Variants in CELF2 observed in about 807,000 individuals in gnomAD.
CELF2 encodes the protein CUG triplet repeat RNA-binding protein 2.
A neutral mutation model predicts 62.6 loss-of-function variants in CELF2; 8 were observed. The ratio of observed to expected loss-of-function variants is 0.13; its 90% CI spans 0.07 to 0.23. The LOEUF (loss-of-function observed/expected upper bound fraction) is 0.23. Among genes scored for constraint, CELF2 ranks in the 10% least tolerant of loss-of-function variants. The pLI, the probability that CELF2 is intolerant of heterozygous loss-of-function variation, is 1.00. For synonymous variants in CELF2, 258 were observed against 250.0 expected (o/e 1.03, Z -0.30); for missense variants, 333 against 671.0 (o/e 0.50, Z 5.56).
Position 11,321,125 on chromosome 10 carries a change from TC to T in CELF2, c.1097-62del, listed in dbSNP as rs1326424538. 3 of 1,542,034 alleles carry T rather than the reference TC, an allele frequency of 1.9e-6. No individual in the cohort carries two copies. Among genetic ancestry groups the T allele is most frequent in the African/African-American group, 1.4e-5 (1 of 73,416 alleles). On this transcript the variant is annotated intron_variant, in intron 10 of 12. Transcript: ENST00000633077. This position sits in a 1 kb window ranked among gnomAD's most constrained non-coding sequence, Gnocchi z 6.2. Reference sequence around the variant, plus strand: ...ACTGTGTTTAAATGATTCTCTAACTTCCTTTGGAAAGCACTAATGAATAAGT... The same window carrying T: ...ACTGTGTTTAAATGATTCTCTAACTTCTTTGGAAAGCACTAATGAATAAGT...
chr10:10,482,113 G>C, the CELF2 span, among the ~76,000 whole-genome samples: 1 of 152,124 alleles, frequency 6.6e-6, no homozygotes, highest in Non-Finnish European at 1.5e-5. Context: ...GAGAAAGAGT[G>C]GTTTGCATAG....
intron 9 of CELF2, among the ~76,000 whole-genome samples, chr10:11,308,444 T>C (rs902998106): frequency 4.6e-5 from 7 of 152,236 alleles, no homozygotes; most frequent in Admixed American, 3.3e-4. Context: ...TTCTCCATTC[T>C]TTTTTCTTTC....
At chr10:11,131,340 C>T (rs7915813) in intron 1 of CELF2, among the ~76,000 whole-genome samples, 76,056 of 151,974 alleles carry the variant, frequency 0.5, 20,615 homozygotes, top group East Asian at 0.84. Flanking sequence ...ACTGTGTACT[C>T]AGTCACTCGA....
intron 1 of CELF2, among the ~76,000 whole-genome samples, chr10:10,866,135 A>C (rs866728652): frequency 1.3e-5 from 2 of 152,084 alleles, no homozygotes; most frequent in Non-Finnish European, 2.9e-5. Context: ...GCGAGGTCAA[A>C]GTGCACCTGC....
intron 2 of CELF2, among the ~76,000 whole-genome samples, chr10:10,976,741 A>G (rs955856120): frequency 2.6e-5 from 4 of 152,086 alleles, no homozygotes; most frequent in Non-Finnish European, 5.9e-5. Context: ...ACAGATCTGT[A>G]TTTGTTCATA....
intron 1 of CELF2, among the ~76,000 whole-genome samples, chr10:10,827,801 A>G (rs1341345356): frequency 6.6e-6 from 1 of 152,202 alleles, no homozygotes; most frequent in Non-Finnish European, 1.5e-5. Flanking sequence ...TGTGTGTTCC[A>G]TTACAAAAAT....
the CELF2 span, among the ~76,000 whole-genome samples, chr10:10,706,925 T>A: frequency 1.3e-5 from 2 of 152,188 alleles, no homozygotes; most frequent in African/African-American, 2.4e-5. Context: ...ATAAAGCCAA[T>A]GAAAATATCA....
chr10:10,597,643 C>A, the CELF2 span, among the ~76,000 whole-genome samples: 1 of 152,102 alleles, frequency 6.6e-6, no homozygotes, highest in Non-Finnish European at 1.5e-5. Flanking sequence ...TGTAAAAAAT[C>A]CTTATAGTTG....
At chr10:11,037,335 C>T (rs1013274543) in intron 1 of CELF2, among the ~76,000 whole-genome samples, 2 of 152,222 alleles carry the variant, frequency 1.3e-5, no homozygotes, top group African/African-American at 2.4e-5. Context: ...TAACAGGTCC[C>T]TCCCATGACA....
At chr10:11,017,302 C>G (rs959687787), upstream of CELF2, among the ~76,000 whole-genome samples, 1 of 152,116 alleles carries the variant, frequency 6.6e-6, no homozygotes, top group African/African-American at 2.4e-5. The surrounding 1 kb of genome is among the most constrained non-coding windows in gnomAD (Gnocchi z 5.5). Flanking sequence ...GTGTAGAAAA[C>G]GTGATTTATG....
intron 1 of CELF2, among the ~76,000 whole-genome samples, chr10:11,164,609 G>A (rs2066517889): frequency 6.6e-6 from 1 of 151,524 alleles, no homozygotes. Flanking sequence ...TATGGAGTGT[G>A]AGAGATTTGA....
rs2095830662 is a variant in CELF2 at position 11,327,747 on chromosome 10, T to C, written c.1439-1179T>C. ...ACAGCCACTTCTTTGCAATCCAGCC[T>C]ACCTCTGAAAAGCTGCCCAGCGTTA... is the stretch of plus-strand genomic sequence containing the variant. On this transcript the variant is annotated intron_variant, in intron 12 of 12. Transcript: ENST00000633077. Among the ~76,000 whole-genome samples the C allele has an allele frequency of 3.3e-5, 5 of 152,338 alleles. No individual in the cohort carries two copies. The South Asian group carries it at 1.0e-3, about 32-fold the overall frequency.
intron 2 of CELF2, among the ~76,000 whole-genome samples, chr10:10,981,547 C>T (rs1234044976): frequency 1.3e-5 from 2 of 152,176 alleles, no homozygotes; most frequent in Non-Finnish European, 2.9e-5. Flanking sequence ...AAAATATGTA[C>T]TTAGTGTTCT....
In CELF2 at chr10:11,331,685, G is replaced by A. The variant is rs1027024934; in HGVS notation, c.*2632G>A. On this transcript the variant is annotated 3_prime_UTR_variant, in exon 13 of 13. Coordinates refer to ENST00000633077, the MANE Select transcript of CELF2 (RefSeq NM_001326342.2). Reference sequence around the variant, plus strand: ...GGTCTTGTTGCCTGAAATTGTTATTGTTTGTTATTTCTCTCTGATGTTTTT... The same window carrying A: ...GGTCTTGTTGCCTGAAATTGTTATTATTTGTTATTTCTCTCTGATGTTTTT... 1.3e-5 allele frequency: 2 copies of A among 152,136 alleles called. No individual in the cohort carries two copies. Among genetic ancestry groups the A allele is most frequent in the Admixed American group, 6.6e-5 (1 of 15,228 alleles). 9.4% of individuals were successfully genotyped at this position (152,136 alleles called of 1,614,324 possible).
intron 2 of CELF2, among the ~76,000 whole-genome samples, chr10:11,192,947 G>A (rs1040525933): frequency 5.3e-5 from 8 of 152,138 alleles, no homozygotes; most frequent in South Asian, 4.2e-4. Flanking sequence ...GGTAAATTTC[G>A]TTTGGTGTTA....
chr10:10,517,872 G>A, the CELF2 span, among the ~76,000 whole-genome samples: 1 of 152,244 alleles, frequency 6.6e-6, no homozygotes, highest in African/African-American at 2.4e-5. Context: ...TGTGGTTAAT[G>A]TGCTAGAAAA....
the CELF2 span, among the ~76,000 whole-genome samples, chr10:10,622,970 C>T: frequency 6.6e-6 from 1 of 151,422 alleles, no homozygotes; most frequent in Non-Finnish European, 1.5e-5. Context: ...GTAGTCCCAG[C>T]AGCTACTCAG....
chr10:10,857,583 A>C (rs2059791646), intron 1 of CELF2, among the ~76,000 whole-genome samples: 1 of 149,088 alleles, frequency 6.7e-6, no homozygotes, highest in African/African-American at 2.5e-5. Context: ...TGAACTGTAC[A>C]TTTTAAAATT....
At chr10:10,537,970 G>A in the CELF2 span, among the ~76,000 whole-genome samples, 3 of 152,142 alleles carry the variant, frequency 2.0e-5, no homozygotes, top group East Asian at 1.9e-4. Context: ...GTCCAAGTGC[G>A]ATGAGCCCTT....
Sources: gnomAD v4.1 joint callset for allele counts (sites outside exome capture counted in the v4.1 genomes callset) on GRCh38, gnomAD v4.1.1 for gene constraint, Gnocchi (gnomAD v3.1) non-coding constraint, MANE v1.5 for transcripts, NCBI Gene and HGNC (gene_info 2026-07-23, HGNC 2026-07-21) for gene names.